PIAS2: variants seen among roughly 807,000 people sequenced by gnomAD.
PIAS2 encodes the protein protein inhibitor of activated STAT 2, also known as E3 SUMO-protein ligase PIAS2.
A neutral mutation model predicts 69.7 loss-of-function variants in PIAS2; 19 were observed. The observed-to-expected ratio is 0.27, with a 90% CI of 0.19 to 0.40. PIAS2 has a LOEUF of 0.40. PIAS2 is among the 10% of genes least tolerant of loss of function. The pLI is 1.00. For missense variants in PIAS2, 624 were observed against 757.0 expected, an observed-to-expected ratio of 0.82 and a Z score of 2.06; for synonymous variants, 261 against 263.2, an observed-to-expected ratio of 0.99 and a Z score of 0.08.
intron 9 of PIAS2, 37 bp from the exon 10 acceptor site, chr18:46,829,904 C>A: frequency 6.3e-7 from 1 of 1,581,516 alleles, no homozygotes. Flanking sequence ...ATGTGATCAA[C>A]AGCTTTGCCT....
intron 3 of PIAS2, among the ~76,000 whole-genome samples, chr18:46,861,200 C>T (rs2048614616): frequency 6.6e-6 from 1 of 152,096 alleles, no homozygotes; most frequent in South Asian, 2.1e-4. Context: ...GATTGTGCCA[C>T]TGCACTCCAA....
intron 2 of PIAS2, among the ~76,000 whole-genome samples, chr18:46,869,851 G>A (rs2050063570): frequency 6.6e-6 from 1 of 152,096 alleles, no homozygotes; most frequent in South Asian, 2.1e-4. Flanking sequence ...CATCTCCCAG[G>A]AGGAAATAGA....
At chr18:46,891,077 A>G (rs1238946638) in intron 1 of PIAS2, 23 bp from the exon 2 acceptor site, 10 of 1,453,548 alleles carry the variant, frequency 6.9e-6, no homozygotes, top group Non-Finnish European at 9.4e-6. Flanking sequence ...AAAAAAAAAC[A>G]TAAGCCAAGT....
At chr18:46,822,970 G>A (rs781364804) in intron 11 of PIAS2, among the ~76,000 whole-genome samples, 1 of 151,454 alleles carries the variant, frequency 6.6e-6, no homozygotes, top group Admixed American at 6.6e-5. Context: ...AGGCAAGGTG[G>A]TTCACACCTG....
At chr18:46,843,978 C>A in intron 8 of PIAS2, 76 bp downstream of exon 8, 1 of 820,762 alleles carries the variant, frequency 1.2e-6, no homozygotes, top group Non-Finnish European at 1.9e-6. Flanking sequence ...TCATTCATTC[C>A]CACACTTACT....
chr18:46,825,416 G>A (rs2042720735), intron 11 of PIAS2, among the ~76,000 whole-genome samples: 1 of 152,134 alleles, frequency 6.6e-6, no homozygotes. Flanking sequence ...ACCTAAATCT[G>A]GTAATAAAGA....
chr18:46,906,008 T>C (rs764039123), intron 1 of PIAS2: 7 of 152,164 alleles, frequency 4.6e-5, no homozygotes, highest in African/African-American at 1.2e-4. Context: ...GGGTTGAATT[T>C]ATACTTGCAA....
chr18:46,850,050 C>T (rs2046735915), intron 5 of PIAS2, among the ~76,000 whole-genome samples: 1 of 152,098 alleles, frequency 6.6e-6, no homozygotes, highest in African/African-American at 2.4e-5. Context: ...TCAGATCTCC[C>T]AGGTGCCTCA....
chr18:46,844,914 A>G, intron 6 of PIAS2, 75 bp from the exon 7 acceptor site: 1 of 567,600 alleles, frequency 1.8e-6, no homozygotes, highest in Non-Finnish European at 2.9e-6. Flanking sequence ...ATACTTATTT[A>G]AGAAACTCTG....
rs1486751787 is a variant in PIAS2 at position 46,810,407 on chromosome 18, A to G, written c.*2026T>C. The stretch of plus-strand genomic sequence containing the variant: ...ACACAAACCAAGTTAAGTTTTTTCT[A>G]TCTGATTACAGAGTCAATAAATATT... On this transcript the variant is annotated 3_prime_UTR_variant, in exon 14 of 14. Coordinates refer to ENST00000585916, the MANE Select transcript of PIAS2 (RefSeq NM_004671.5). 3 of 152,168 alleles carry G rather than the reference A, an allele frequency of 2.0e-5. No homozygotes were observed. Among genetic ancestry groups the G allele is most frequent in the Non-Finnish European group, 4.4e-5 (3 of 68,030 alleles). The allele number at this position is 152,168 out of a possible 1,614,324, so 9.4% of individuals were successfully genotyped here.
intron 2 of PIAS2, among the ~76,000 whole-genome samples, chr18:46,875,880 G>A (rs2051103267): frequency 6.6e-6 from 1 of 152,150 alleles, no homozygotes; most frequent in Non-Finnish European, 1.5e-5. Context: ...CTCTTCCAAC[G>A]CCCCACAGCC....
intron 3 of PIAS2, 128 bp from the exon 4 acceptor site, chr18:46,855,743 C>T (rs903857170): frequency 1.1e-5 from 8 of 702,610 alleles, no homozygotes; most frequent in Non-Finnish European, 2.0e-5. Flanking sequence ...GATCAATATA[C>T]TACCAATAAT....
In PIAS2 at chr18:46,917,315, C is replaced by T. The variant is rs1235650760; in HGVS notation, c.24+7G>A. On this transcript the variant is annotated splice_region_variant and intron_variant, in intron 1 of 13. Coordinates refer to ENST00000585916, the MANE Select transcript of PIAS2 (RefSeq NM_004671.5). ...CCCCGCGGCCTCCGCTCTCCACTCC[C>T]GCTTACCCTCAACTCTTCGAAATCC... 23 of 1,479,322 alleles carry T rather than the reference C, an allele frequency of 1.6e-5. No individual in the cohort carries two copies. The highest frequency in any genetic ancestry group is 7.6e-5 in the South Asian group (6 of 78,552). The allele number at this position is 1,479,322 out of a possible 1,614,324, so 91.6% of individuals were successfully genotyped here.
At chr18:46,898,252 G>A (rs2055215132) in intron 1 of PIAS2, among the ~76,000 whole-genome samples, 1 of 151,986 alleles carries the variant, frequency 6.6e-6, no homozygotes, top group South Asian at 2.1e-4. Context: ...CTGCCTCTGG[G>A]ATTCTTTGCC....
At chr18:46,877,087 G>A (rs780155557) in intron 2 of PIAS2, among the ~76,000 whole-genome samples, 2 of 152,164 alleles carry the variant, frequency 1.3e-5, no homozygotes, top group African/African-American at 4.8e-5. Context: ...TGTAACAGGT[G>A]TGCTTATTCT....
intron 1 of PIAS2, among the ~76,000 whole-genome samples, chr18:46,896,771 C>T (rs551750762): frequency 6.6e-6 from 1 of 152,276 alleles, no homozygotes; most frequent in South Asian, 2.1e-4. Flanking sequence ...AATATTAACA[C>T]ATCAATGTTT....
intron 2 of PIAS2, among the ~76,000 whole-genome samples, chr18:46,887,045 A>C (rs2053319951): frequency 6.6e-6 from 1 of 152,178 alleles, no homozygotes; most frequent in Non-Finnish European, 1.5e-5. Context: ...TGGCACTAAA[A>C]TAATTTGGCA....
chr18:46,914,580 G>A (rs953151308), intron 1 of PIAS2, among the ~76,000 whole-genome samples: 1 of 58,526 alleles, frequency 1.7e-5, no homozygotes, highest in Admixed American at 2.3e-4. Context: ...CTCCACCCCC[G>A]ACACACAAGT....
chr18:46,848,464 T>C (rs1387020035), intron 5 of PIAS2, among the ~76,000 whole-genome samples: 1 of 152,172 alleles, frequency 6.6e-6, no homozygotes, highest in Non-Finnish European at 1.5e-5. Context: ...TCACCAGCAA[T>C]TTTAAGACAC....
Sources: gnomAD v4.1 joint callset for allele counts (sites outside exome capture counted in the v4.1 genomes callset) on GRCh38, gnomAD v4.1.1 for gene constraint, MANE v1.5 for transcripts, NCBI Gene and HGNC (gene_info 2026-07-23, HGNC 2026-07-21) for gene names.